The following TCF7L1 variants were observed in gnomAD, a reference collection of about 807,000 sequenced individuals.
The protein encoded by TCF7L1 is transcription factor 7-like 1.
A neutral mutation model predicts 63.7 loss-of-function variants in TCF7L1; 18 were observed. That is an observed-to-expected ratio of 0.28 (90% CI 0.20 to 0.42). The LOEUF (loss-of-function observed/expected upper bound fraction) is 0.42, where lower values mean the gene tolerates loss of function less well. Among genes scored for constraint, TCF7L1 ranks in the 10% least tolerant of loss-of-function variants. TCF7L1 has a pLI of 1.00. For missense variants in TCF7L1, 654 were observed against 779.3 expected (o/e 0.84, Z 1.91); for synonymous variants, 355 against 340.9 (o/e 1.04, Z -0.46).
Position 85,134,044 on chromosome 2 carries a change from A to G in TCF7L1, c.278A>G (p.Asp93Gly), listed in dbSNP as rs774063906. The stretch of plus-strand genomic sequence containing the variant: ...GAGAGGCGCCCGCAGCCCGTCCGGG[A>G]CACTTTCCAGAAGCCGCGGGACTAT... ...EAERRPQPVR[D>G]TFQKPRDYFA... Residue 93 changes from aspartate to glycine, a missense_variant, in exon 2 of 12, where the codon GAC becomes GGC. Around this residue, in one of 3 missense-constraint regions of TCF7L1, gnomAD observed 404 missense variants for 454.8 expected, o/e 0.89. Coordinates refer to ENST00000282111, the MANE Select transcript of TCF7L1 (RefSeq NM_031283.3). This position sits in a 1 kb window ranked among gnomAD's most constrained non-coding sequence, Gnocchi z 5.0. 5 of 1,610,960 alleles carry G rather than the reference A, an allele frequency of 3.1e-6. No homozygotes were observed. The South Asian group carries it at 5.5e-5, about 18-fold the overall frequency.
At chr2:85,202,981 C>T (rs1412431824) in intron 3 of TCF7L1, among the ~76,000 whole-genome samples, 2 of 152,076 alleles carry the variant, frequency 1.3e-5, no homozygotes, top group African/African-American at 4.8e-5. Context: ...CTACAGGCAC[C>T]CGCCACCACG....
intron 3 of TCF7L1, among the ~76,000 whole-genome samples, chr2:85,253,102 G>C (rs974919356): frequency 6.6e-6 from 1 of 152,126 alleles, no homozygotes; most frequent in Non-Finnish European, 1.5e-5. Context: ...TAAGACTATG[G>C]AACAACAGAC....
intron 3 of TCF7L1, among the ~76,000 whole-genome samples, chr2:85,230,617 G>A (rs571480042): frequency 6.6e-6 from 1 of 152,270 alleles, no homozygotes; most frequent in East Asian, 1.9e-4. Context: ...TTATAGGCAT[G>A]AGCCACCACG....
chr2:85,304,427 GA>G (rs1333773160), intron 7 of TCF7L1, 89 bp downstream of exon 7: 50 of 1,379,860 alleles, frequency 3.6e-5, no homozygotes, highest in Non-Finnish European at 4.9e-5. Context: ...GCCAGTTAAT[GA>G]GCAGGCACAG....
At chr2:85,285,077 C>A (rs900151521) in intron 4 of TCF7L1, among the ~76,000 whole-genome samples, 2 of 151,960 alleles carry the variant, frequency 1.3e-5, no homozygotes, top group African/African-American at 4.8e-5. Context: ...ACTAAAAATA[C>A]AAAAAATTAG....
At chr2:85,218,644 G>C (rs1679767903) in intron 3 of TCF7L1, among the ~76,000 whole-genome samples, 1 of 148,258 alleles carries the variant, frequency 6.7e-6, no homozygotes, top group East Asian at 1.9e-4. Flanking sequence ...TCCAATGGGG[G>C]GGGGAAAACT....
chr2:85,298,350 G>T (rs565502241), intron 4 of TCF7L1, among the ~76,000 whole-genome samples: 216 of 151,628 alleles, frequency 1.4e-3, no homozygotes, highest in Middle Eastern at 0.01. Context: ...AATTAGCTGG[G>T]CATGGTGGCG....
intron 3 of TCF7L1, among the ~76,000 whole-genome samples, chr2:85,254,735 G>A (rs1680670016): frequency 6.6e-6 from 1 of 152,162 alleles, no homozygotes; most frequent in Non-Finnish European, 1.5e-5. Context: ...AATCTGCACT[G>A]AGATCTGCTC....
chr2:85,147,785 A>T (rs987090486), intron 3 of TCF7L1, among the ~76,000 whole-genome samples: 9 of 152,134 alleles, frequency 5.9e-5, no homozygotes, highest in Non-Finnish European at 1.2e-4. Flanking sequence ...TGCCTCGCTC[A>T]TACTCCTGAC....
At chr2:85,166,431 G>A (rs1292258313) in intron 3 of TCF7L1, among the ~76,000 whole-genome samples, 8 of 152,216 alleles carry the variant, frequency 5.3e-5, no homozygotes, top group Admixed American at 2.0e-4. Context: ...GGGGTTCAGA[G>A]AAGAGCTCCA....
chr2:85,308,447 C>CTTTCCCTCCCTTTCTG (rs1682186085), intron 11 of TCF7L1, among the ~76,000 whole-genome samples: 2 of 62,352 alleles, frequency 3.2e-5, no homozygotes, highest in Admixed American at 1.6e-4. Flanking sequence ...CTCCCTTTCT[C>CTTTCCCTCCCTTTCTG]TTTCCCTCCC....
At chr2:85,153,986 A>G (rs1180245440) in intron 3 of TCF7L1, among the ~76,000 whole-genome samples, 1 of 152,168 alleles carries the variant, frequency 6.6e-6, no homozygotes, top group Non-Finnish European at 1.5e-5. Context: ...TGATAAGTTG[A>G]TTACTGGTGG....
chr2:85,295,774 A>AAT (rs1681827146), intron 4 of TCF7L1, among the ~76,000 whole-genome samples: 1 of 78,724 alleles, frequency 1.3e-5, no homozygotes, highest in East Asian at 5.6e-4. Flanking sequence ...AGTAACATTT[A>AAT]CTTTTTTTTT....
At position 85,134,103 on chromosome 2, in the gene TCF7L1, C is replaced by T. The variant is rs751570021; in HGVS notation, c.313+24C>T. ...AGGTATGTGCCCGCTGGGACAGCCC[C>T]CCACTCTCGATTCCCGCTGCGCTCC... On this transcript the variant is annotated intron_variant, in intron 2 of 11. Transcript: ENST00000282111. This position sits in a 1 kb window ranked among gnomAD's most constrained non-coding sequence, Gnocchi z 5.0. 4 of 1,606,356 alleles carry T rather than the reference C, an allele frequency of 2.5e-6. No homozygotes were observed. In the South Asian group the frequency reaches 4.4e-5, roughly 18 times the overall value.
chr2:85,256,229 A>C (rs1009932957), intron 3 of TCF7L1, among the ~76,000 whole-genome samples: 1 of 151,126 alleles, frequency 6.6e-6, no homozygotes, highest in African/African-American at 2.4e-5. Flanking sequence ...AACCCAGTAC[A>C]TCGATGGTGC....
At chr2:85,180,125 G>A (rs1247010504) in intron 3 of TCF7L1, among the ~76,000 whole-genome samples, 2 of 151,976 alleles carry the variant, frequency 1.3e-5, no homozygotes, top group Non-Finnish European at 2.9e-5. Flanking sequence ...GGAGAGGGCC[G>A]AGAAGATCTC....
chr2:85,199,061 CTG>C (rs1459471017), intron 3 of TCF7L1, among the ~76,000 whole-genome samples: 4 of 152,196 alleles, frequency 2.6e-5, no homozygotes, highest in Non-Finnish European at 4.4e-5. Context: ...TTTTCCCAGA[CTG>C]TGAGGCTCCA....
At chr2:85,294,025 G>GTTTTTTTT (rs1558658876) in intron 4 of TCF7L1, among the ~76,000 whole-genome samples, 32 of 70,524 alleles carry the variant, frequency 4.5e-4, no homozygotes, top group East Asian at 9.4e-4. Flanking sequence ...TGAACACTGG[G>GTTTTTTTT]ATTTTTTTTT....
At chr2:85,163,960 G>A (rs1352645387) in intron 3 of TCF7L1, among the ~76,000 whole-genome samples, 1 of 152,120 alleles carries the variant, frequency 6.6e-6, no homozygotes, top group East Asian at 1.9e-4. Flanking sequence ...AGTACACCCT[G>A]TCTCCACATA....
Sources: allele counts gnomAD v4.1 joint callset (sites outside exome capture counted in the v4.1 genomes callset), GRCh38; gene constraint gnomAD v4.1.1; regional missense constraint gnomAD v4.1.1; non-coding constraint Gnocchi (gnomAD v3.1); transcripts MANE v1.5; gene names NCBI Gene and HGNC (gene_info 2026-07-23, HGNC 2026-07-21).